CACNA1F: variants seen among roughly 807,000 people sequenced by gnomAD.
The protein encoded by CACNA1F is voltage-dependent L-type calcium channel subunit alpha-1F.
CACNA1F carries 59 observed loss-of-function variants against 143.8 expected under a neutral mutation model. The ratio of observed to expected loss-of-function variants is 0.41; its 90% confidence interval spans 0.33 to 0.51. The LOEUF (loss-of-function observed/expected upper bound fraction) is 0.51, where lower values mean the gene tolerates loss of function less well. CACNA1F is among the 20% of genes least tolerant of loss of function. The pLI, the probability that CACNA1F is intolerant of heterozygous loss-of-function variation, is 0.22. For synonymous variants in CACNA1F, 643 were observed against 649.1 expected (o/e 0.99, Z 0.14); for missense variants, 1,411 against 1,647.5 (o/e 0.86, Z 2.48).
rs782296546 is a variant in CACNA1F, at chrX:49,205,603, C to T, written c.5670+13G>A. On this transcript the variant is annotated intron_variant, in intron 47 of 47. Transcript: ENST00000323022. ...TCCCCCATCCGTCTTGTCTATATGC[C>T]CTCTGGACTCACAGCCTCCACCAAG... 3.3e-6 allele frequency: 4 copies of T among 1,196,971 alleles called. No homozygotes were observed. The highest frequency in any genetic ancestry group is 3.6e-5 in the South Asian group (2 of 55,173).
At position 49,205,604 on chromosome X, in the gene CACNA1F, C is replaced by T; in HGVS notation, c.5670+12G>A. Reference sequence around the variant, plus strand: ...CCCCCATCCGTCTTGTCTATATGCCCTCTGGACTCACAGCCTCCACCAAGC... The same window carrying T: ...CCCCCATCCGTCTTGTCTATATGCCTTCTGGACTCACAGCCTCCACCAAGC... On this transcript the variant is annotated intron_variant, in intron 47 of 47. Coordinates refer to ENST00000323022, the MANE Select transcript of CACNA1F (RefSeq NM_001256789.3). 8.3e-7 allele frequency: 1 copy of T among 1,198,224 alleles called. No homozygotes were observed. The highest frequency in any genetic ancestry group is 1.1e-6 in the Non-Finnish European group (1 of 887,264).
At chrX:49,228,666 G>T (rs1427683118) in intron 6 of CACNA1F, among the ~76,000 whole-genome samples, 1 of 112,735 alleles carries the variant, frequency 8.9e-6, no homozygotes, top group Non-Finnish European at 1.9e-5. Flanking sequence ...CCGGGTTCAA[G>T]CAATTCTCCT....
chrX:49,224,945 T>C lies in CACNA1F; in HGVS notation c.1693A>G (p.Met565Val), dbSNP rs781859302. 2 of 1,205,595 alleles carry C rather than the reference T, an allele frequency of 1.7e-6. No homozygotes were observed. Among genetic ancestry groups the C allele is most frequent in the Non-Finnish European group, 2.2e-6 (2 of 891,277 alleles). ...CCCAGACCGTACAATTTGAGAAGCA[T>C]CTCCACCGTGAACAGACAGAGCAAC... is the stretch of plus-strand genomic sequence containing the variant. ...KVLLCLFTVEMLLKLYGLGPS... is the reference protein window; with the variant it reads ...KVLLCLFTVEVLLKLYGLGPS... Residue 565 changes from methionine to valine, a missense_variant, in exon 14 of 48, where the codon ATG (methionine) becomes GTG (valine). Physicochemically the swap from Met to Val is conservative, Grantham distance 21. This residue lies in a region of CACNA1F where 950 missense variants were observed against 1,128.1 expected (regional missense o/e 0.84). Coordinates refer to ENST00000323022, the MANE Select transcript of CACNA1F (RefSeq NM_001256789.3).
intron 1 of CACNA1F, 25 bp downstream of exon 1, chrX:49,233,260 T>C (rs1340842983): frequency 8.3e-7 from 1 of 1,207,423 alleles, no homozygotes; most frequent in Non-Finnish European, 1.1e-6. Context: ...TCCAAGGGTC[T>C]GCAGGGATGG....
At position 49,226,595 on chromosome X, in the gene CACNA1F, T is replaced by C. The variant is rs1557110006; in HGVS notation, c.1369+15A>G. The C allele has an allele frequency of 6.0e-6, 7 of 1,171,589 alleles. No individual in the cohort carries two copies. The highest frequency in any genetic ancestry group is 8.0e-6 in the Non-Finnish European group (7 of 874,190). On this transcript the variant is annotated intron_variant, in intron 10 of 47. Coordinates refer to ENST00000323022, the MANE Select transcript of CACNA1F (RefSeq NM_001256789.3). ...CTGCCTACCCACCCCCACCCCAGCC[T>C]GGCTGGACCCCCACCATGGCTGCTG...
chrX:49,230,805 C>T, intron 4 of CACNA1F, 45 bp downstream of exon 4: 2 of 1,157,886 alleles, frequency 1.7e-6, no homozygotes, highest in South Asian at 1.9e-5. Flanking sequence ...GCGGGCCTGA[C>T]GGTAGGAAGG....
At chrX:49,210,741 T>G in intron 37 of CACNA1F, 55 bp from the exon 38 acceptor site, 1 of 1,013,338 alleles carries the variant, frequency 9.9e-7, no homozygotes, top group African/African-American at 1.9e-5. Context: ...TAGCCCTTTC[T>G]CAAGGCCCCA....
rs35328191 is a variant in CACNA1F at position 49,205,989 on chromosome X, A to G, written c.5473-176T>C. ...TGCAGGAGGCCTGGGTTTAAATGTC[A>G]GCTCTGCCACTTACTAGCTGCATGA... is the stretch of plus-strand genomic sequence containing the variant. On this transcript the variant is annotated intron_variant, in intron 46 of 47. Coordinates refer to ENST00000323022, the MANE Select transcript of CACNA1F (RefSeq NM_001256789.3). Among the ~76,000 whole-genome samples the G allele has an allele frequency of 7.8e-3, 876 of 111,878 alleles. 3 individuals are homozygous for G. The highest frequency in any genetic ancestry group is 0.013 in the Non-Finnish European group (700 of 53,142).
chrX:49,221,204 C>A, intron 17 of CACNA1F, 124 bp from the exon 18 acceptor site: 1 of 576,573 alleles, frequency 1.7e-6, no homozygotes, highest in East Asian at 3.6e-5. Flanking sequence ...CCCCTCCCAA[C>A]AGTCCGTTCT....
At position 49,214,214 on chromosome X, in the gene CACNA1F, A is replaced by G; in HGVS notation, c.3653T>C (p.Phe1218Ser). Residue 1218 changes from phenylalanine to serine, a missense_variant, in exon 30 of 48, where the codon TTC (phenylalanine) becomes TCC (serine). This residue lies in a region of CACNA1F where 950 missense variants were observed against 1,128.1 expected (regional missense o/e 0.84). Coordinates refer to ENST00000323022, the MANE Select transcript of CACNA1F (RefSeq NM_001256789.3). ...CATCTCAATAGTGAAGAGGCCAGTG[A>G]AGACCATGTTGAGGATGTCCATGGC... ...NYAMDILNMV[F>S]TGLFTIEMVL... 1 of 1,206,512 alleles carries G rather than the reference A, an allele frequency of 8.3e-7. No homozygotes were observed. The highest frequency in any genetic ancestry group is 1.1e-6 in the Non-Finnish European group (1 of 890,258).
At chrX:49,215,565 T>C (rs375401875) in intron 27 of CACNA1F, 22 bp from the exon 28 acceptor site, 13 of 484,049 alleles carry the variant, frequency 2.7e-5, no homozygotes, top group Non-Finnish European at 3.2e-5. Flanking sequence ...AGAGGGGGGG[T>C]AGAGGTGGGG....
At chrX:49,225,213 T>A (rs1039268060) in intron 13 of CACNA1F, among the ~76,000 whole-genome samples, 1 of 109,382 alleles carries the variant, frequency 9.1e-6, no homozygotes, top group Admixed American at 9.8e-5. Context: ...GGGGCCAGAG[T>A]CAGTGTCTAT....
chrX:49,212,026 C>A (rs2065662123), intron 34 of CACNA1F, 37 bp from the exon 35 acceptor site: 1 of 1,072,600 alleles, frequency 9.3e-7, no homozygotes, highest in African/African-American at 1.8e-5. Flanking sequence ...TGGGGTGAAC[C>A]CATGCCCCAC....
intron 32 of CACNA1F, 73 bp downstream of exon 32, chrX:49,212,901 T>C: frequency 5.2e-6 from 6 of 1,160,395 alleles, no homozygotes; most frequent in Non-Finnish European, 7.0e-6. Flanking sequence ...GGCCCTAGGG[T>C]AATCTGGAGG....
Position 49,215,161 on chromosome X carries a change from G to A in CACNA1F, c.3522C>T (p.Ala1174=). ...PKNPHQYRVW[A]TVNSAAFEYL... ...ACTCAAAGGCAGCAGAGTTCACAGT[G>A]GCCCACACACGATACTGATGCGGGT... Residue 1174 remains alanine (A), a synonymous_variant, in exon 29 of 48, where the codon GCC becomes GCT. Transcript: ENST00000323022. The A allele has an allele frequency of 8.3e-7, 1 of 1,209,738 alleles. No homozygotes were observed. The highest frequency in any genetic ancestry group is 1.1e-6 in the Non-Finnish European group (1 of 893,766).
chrX:49,212,774 T>G lies in CACNA1F; in HGVS notation c.3835A>C (p.Ile1279Leu). The G allele has an allele frequency of 8.3e-7, 1 of 1,210,189 alleles. No individual in the cohort carries two copies. Among genetic ancestry groups the G allele is most frequent in the East Asian group, 3.0e-5 (1 of 33,819 alleles). ...AAGAGGCGAAAGAAGGTAATGGAAA[T>G]GCGGGAGCTGTCCTCAGAGCTCTGG... is the stretch of plus-strand genomic sequence containing the variant. Reference protein sequence around the residue: ...LGESSEDSSRISITFFRLFRV... With the variant: ...LGESSEDSSRLSITFFRLFRV... The change falls in exon 33 of 48, where the codon ATT becomes CTT. Residue 1279 changes from isoleucine to leucine, a missense_variant. By Grantham distance (5) the Ile-to-Leu change is conservative. This residue lies in a region of CACNA1F where 950 missense variants were observed against 1,128.1 expected (regional missense o/e 0.84). Transcript: ENST00000323022.
At position 49,210,365 on chromosome X, in the gene CACNA1F, C is replaced by A. The variant is rs2065644331; in HGVS notation, c.4524G>T (p.Gly1508=). The change falls in exon 39 of 48, where the codon GGG becomes GGT. Residue 1508 remains glycine, a synonymous_variant. Coordinates refer to ENST00000323022, the MANE Select transcript of CACNA1F (RefSeq NM_001256789.3). Reference sequence around the variant, plus strand: ...AGAGTGTGGCGTTGAATGTCACCGTCCCATCTGAGTTGAGGGGCATGTTCA... The same window carrying A: ...AGAGTGTGGCGTTGAATGTCACCGTACCATCTGAGTTGAGGGGCATGTTCA... The part of the protein sequence containing the change: ...VAMNMPLNSD[G]TVTFNATLFA... 1.7e-6 allele frequency: 2 copies of A among 1,208,435 alleles called. No homozygotes were observed. The highest frequency in any genetic ancestry group is 2.2e-6 in the Non-Finnish European group (2 of 892,329).
In CACNA1F at chrX:49,207,076, T is replaced by C. The variant is rs377447461; in HGVS notation, c.5160A>G (p.Glu1720=). 2.6e-5 allele frequency: 31 copies of C among 1,197,905 alleles called. No homozygotes were observed. In the African/African-American group the frequency reaches 4.9e-4, roughly 19 times the overall value. Reference sequence around the variant, plus strand: ...TTCCCTTGGGCTGAGAATTTCCTTCTTCTGGGATGGTGAAAATGAGAGCCC... The same window carrying C: ...TTCCCTTGGGCTGAGAATTTCCTTCCTCTGGGATGGTGAAAATGAGAGCCC... ...GSGALIFTIP[E]EGNSQPKGTK... Residue 1720 remains glutamate, a synonymous_variant, in exon 44 of 48, where the codon GAA becomes GAG. Transcript: ENST00000323022.
In CACNA1F at chrX:49,205,287, C is replaced by T. The variant is rs782271570; in HGVS notation, c.5751G>A (p.Ala1917=). 1.5e-5 allele frequency: 18 copies of T among 1,207,579 alleles called. No individual in the cohort carries two copies. The highest frequency in any genetic ancestry group is 8.8e-5 in the South Asian group (5 of 56,621). Residue 1917 remains alanine (A), a synonymous_variant, in exon 48 of 48, where the codon GCG becomes GCA. Transcript: ENST00000323022. ...VALAKQEIAD[A]CRLTLDEMDN... is the part of the protein sequence containing the mutation. Reference sequence around the variant, plus strand: ...CCATCTCATCCAGCGTCAGGCGACACGCATCTGCAATCTCCTGCTTGGCCA... The same window carrying T: ...CCATCTCATCCAGCGTCAGGCGACATGCATCTGCAATCTCCTGCTTGGCCA...
Sources: allele counts gnomAD v4.1 joint callset (sites outside exome capture counted in the v4.1 genomes callset), GRCh38; gene constraint gnomAD v4.1.1; regional missense constraint gnomAD v4.1.1; transcripts MANE v1.5; gene names NCBI Gene and HGNC (gene_info 2026-07-23, HGNC 2026-07-21).